The following KIRREL3 variants were observed in gnomAD, a reference collection of about 807,000 sequenced individuals.
KIRREL3 encodes the protein kin of IRRE-like protein 3.
KIRREL3 carries 36 observed loss-of-function variants against 89.7 expected under a neutral mutation model. That is an observed-to-expected ratio of 0.40 (90% CI 0.31 to 0.53). The LOEUF (loss-of-function observed/expected upper bound fraction) is 0.53, where lower values mean the gene tolerates loss of function less well. Among genes scored for constraint, KIRREL3 ranks in the 20% least tolerant of loss-of-function variants. The pLI is 0.49. For missense variants in KIRREL3, 864 were observed against 1,056.6 expected, an observed-to-expected ratio of 0.82 and a Z score of 2.53; for synonymous variants, 445 against 441.4, an observed-to-expected ratio of 1.01 and a Z score of -0.10.
chr11:126,589,226 C>T (rs1400007260), intron 1 of KIRREL3, among the ~76,000 whole-genome samples: 1 of 152,244 alleles, frequency 6.6e-6, no homozygotes, highest in Non-Finnish European at 1.5e-5. Flanking sequence ...AACACAATGG[C>T]AGATGAAGGG....
rs918832825 is a variant in KIRREL3, at chr11:126,563,291, G to A, written c.56-379C>T. ...TGAGGCCCTTTGTATCTCAGGCTTG[G>A]GGACTATGCTCAGATCAACTTGGGA... is the stretch of plus-strand genomic sequence containing the variant. On this transcript the variant is annotated intron_variant, in intron 1 of 16. Coordinates refer to ENST00000525144, the MANE Select transcript of KIRREL3 (RefSeq NM_032531.4). This position sits in a 1 kb window ranked among gnomAD's most constrained non-coding sequence, Gnocchi z 6.8. Among the ~76,000 whole-genome samples, 15 of 152,144 alleles carry A rather than the reference G, an allele frequency of 9.9e-5. No individual in the cohort carries two copies. Among genetic ancestry groups the A allele is most frequent in the Non-Finnish European group, 1.9e-4 (13 of 68,020 alleles).
At position 126,981,403 on chromosome 11, in the gene KIRREL3, G is replaced by A. The variant is rs186562757; in HGVS notation, c.55+19052C>T. Among the ~76,000 whole-genome samples, 237 of 152,232 alleles carry A rather than the reference G, an allele frequency of 1.6e-3. 2 individuals carry two copies. The highest frequency in any genetic ancestry group is 5.8e-3 in the South Asian group (28 of 4,818). The stretch of plus-strand genomic sequence containing the variant: ...CCCACTGACAGCATATTGCCTAATC[G>A]CCATTATTCTGGAGGAAAATGCTCA... On this transcript the variant is annotated intron_variant, in intron 1 of 16. Transcript: ENST00000525144. The surrounding 1 kb of genome is among the most constrained non-coding windows in gnomAD (Gnocchi z 4.2).
At chr11:126,504,709 A>G (rs888243624) in intron 4 of KIRREL3, among the ~76,000 whole-genome samples, 5 of 152,232 alleles carry the variant, frequency 3.3e-5, no homozygotes, top group African/African-American at 4.8e-5. Flanking sequence ...ATAAGAAAAG[A>G]GAACTATAGA....
chr11:126,952,834 C>A (rs1392802051), intron 1 of KIRREL3, among the ~76,000 whole-genome samples: 6 of 152,152 alleles, frequency 3.9e-5, no homozygotes, highest in African/African-American at 1.4e-4. Context: ...CAGGAAACAA[C>A]AGATGCTGGA....
At chr11:126,958,685 T>C (rs988544639) in intron 1 of KIRREL3, among the ~76,000 whole-genome samples, 2 of 152,214 alleles carry the variant, frequency 1.3e-5, no homozygotes, top group African/African-American at 4.8e-5. Flanking sequence ...CCTGTGCACA[T>C]AAAGGCACTC....
chr11:126,621,739 T>TATTG (rs1394041438), intron 1 of KIRREL3, among the ~76,000 whole-genome samples: 1 of 152,212 alleles, frequency 6.6e-6, no homozygotes, highest in Admixed American at 6.5e-5. Flanking sequence ...TTCTTGGAAT[T>TATTG]CCAAGGCTTT....
At chr11:126,648,001 T>C (rs1383321739) in intron 1 of KIRREL3, among the ~76,000 whole-genome samples, 3 of 152,210 alleles carry the variant, frequency 2.0e-5, no homozygotes, top group African/African-American at 7.2e-5. Flanking sequence ...TCCCCAGTGT[T>C]GGAGGAGGGG....
At chr11:126,722,763 T>A (rs957898526) in intron 1 of KIRREL3, among the ~76,000 whole-genome samples, 3 of 152,256 alleles carry the variant, frequency 2.0e-5, no homozygotes, top group Non-Finnish European at 4.4e-5. Flanking sequence ...GACAAGGATT[T>A]TTGTCTGTCT....
chr11:126,717,223 G>T (rs540269838), intron 1 of KIRREL3, among the ~76,000 whole-genome samples: 4 of 152,336 alleles, frequency 2.6e-5, no homozygotes, highest in African/African-American at 9.6e-5. Flanking sequence ...GGAAGCCTGA[G>T]GTTGGGAGTT....
rs1949604715 is a variant in KIRREL3 at position 126,977,262 on chromosome 11, T to C, written c.55+23193A>G. Reference sequence around the variant, plus strand: ...TTTCAAAACTGAGCTCCTTGGAGAGTGTCTGCGCAGTCAGGTTGGTTTCTT... The same window carrying C: ...TTTCAAAACTGAGCTCCTTGGAGAGCGTCTGCGCAGTCAGGTTGGTTTCTT... On this transcript the variant is annotated intron_variant, in intron 1 of 16. Coordinates refer to ENST00000525144, the MANE Select transcript of KIRREL3 (RefSeq NM_032531.4). The surrounding 1 kb of genome is among the most constrained non-coding windows in gnomAD (Gnocchi z 4.7). Among the ~76,000 whole-genome samples, 1 of 151,922 alleles carries C rather than the reference T, an allele frequency of 6.6e-6. No individual in the cohort carries two copies. Among genetic ancestry groups the C allele is most frequent in the African/African-American group, 2.4e-5 (1 of 41,338 alleles).
intron 1 of KIRREL3, among the ~76,000 whole-genome samples, chr11:126,749,042 G>C (rs1362196686): frequency 6.6e-6 from 1 of 152,084 alleles, no homozygotes; most frequent in African/African-American, 2.4e-5. Context: ...AGGTGGCAGG[G>C]GGTTGCGACC....
rs1364491799 is a variant in KIRREL3, at chr11:126,431,850, G to A, written c.1589-324C>T. On this transcript the variant is annotated intron_variant, in intron 13 of 16. Transcript: ENST00000525144. The surrounding 1 kb of genome is among the most constrained non-coding windows in gnomAD (Gnocchi z 7.1). ...GACAGGAAGACCGGAGATGAGGGGTGGGGCTGGCACGATGGAGCTCTCTCT... is the reference window on the plus strand; with the variant it reads ...GACAGGAAGACCGGAGATGAGGGGTAGGGCTGGCACGATGGAGCTCTCTCT... Among the ~76,000 whole-genome samples the A allele has an allele frequency of 1.3e-5, 2 of 152,198 alleles. No homozygotes were observed. The highest frequency in any genetic ancestry group is 4.8e-5 in the African/African-American group (2 of 41,440).
At chr11:126,529,720 A>G (rs1212461208) in intron 2 of KIRREL3, among the ~76,000 whole-genome samples, 2 of 151,964 alleles carry the variant, frequency 1.3e-5, no homozygotes, top group Non-Finnish European at 2.9e-5. Flanking sequence ...AAATCCACCC[A>G]AAGGACATGA....
intron 1 of KIRREL3, among the ~76,000 whole-genome samples, chr11:126,852,792 G>T (rs1944385777): frequency 6.6e-6 from 1 of 152,168 alleles, no homozygotes; most frequent in East Asian, 1.9e-4. Context: ...CAAGGCAATG[G>T]CAGGCTCTTA....
chr11:126,464,031 C>T (rs1381750256), intron 5 of KIRREL3, among the ~76,000 whole-genome samples: 1 of 152,152 alleles, frequency 6.6e-6, no homozygotes, highest in Non-Finnish European at 1.5e-5. Flanking sequence ...TAGTCTCCTA[C>T]AGCAGGTTGA....
At chr11:126,726,979 C>T (rs1948411587) in intron 1 of KIRREL3, among the ~76,000 whole-genome samples, 1 of 152,232 alleles carries the variant, frequency 6.6e-6, no homozygotes, top group African/African-American at 2.4e-5. Flanking sequence ...CTCTGAGCCG[C>T]CTTACCCTCT....
intron 1 of KIRREL3, among the ~76,000 whole-genome samples, chr11:126,657,078 A>AC (rs931295588): frequency 4.6e-5 from 7 of 151,880 alleles, no homozygotes; most frequent in South Asian, 2.1e-4. Context: ...ACAAAAAAAA[A>AC]CAGAAAAAAT....
chr11:126,425,773 C>T (rs1490785870), intron 15 of KIRREL3, 49 bp from the exon 16 acceptor site: 1 of 1,424,108 alleles, frequency 7.0e-7, no homozygotes, highest in African/African-American at 1.4e-5. Flanking sequence ...GCTAAACCTC[C>T]ACTTCCCCCA....
At chr11:126,751,576 G>A (rs1028579099) in intron 1 of KIRREL3, among the ~76,000 whole-genome samples, 1 of 152,094 alleles carries the variant, frequency 6.6e-6, no homozygotes, top group African/African-American at 2.4e-5. Context: ...GAGATCTTAG[G>A]GGGGCAAGAG....
Sources: gnomAD v4.1 joint callset for allele counts (sites outside exome capture counted in the v4.1 genomes callset) on GRCh38, gnomAD v4.1.1 for gene constraint, Gnocchi (gnomAD v3.1) non-coding constraint, MANE v1.5 for transcripts, NCBI Gene and HGNC (gene_info 2026-07-23, HGNC 2026-07-21) for gene names.